The following INSR variants were observed in gnomAD, a reference collection of about 807,000 sequenced individuals.
INSR encodes insulin receptor.
INSR carries 67 observed loss-of-function variants against 142.6 expected under a neutral mutation model. The ratio of observed to expected loss-of-function variants is 0.47; its 90% CI spans 0.39 to 0.58. INSR has a LOEUF of 0.58. Ranked by LOEUF, INSR falls within the 20% of genes least tolerant of loss-of-function variation. INSR has a pLI of 0.00. For synonymous variants in INSR, 756 were observed against 743.1 expected, an observed-to-expected ratio of 1.02 and a Z score of -0.28; for missense variants, 1,248 against 1,833.2, an observed-to-expected ratio of 0.68 and a Z score of 5.83.
rs1464166146 is a variant in INSR at position 7,125,316 on chromosome 19, G to A, written c.3225C>T (p.Ala1075=). The A allele has an allele frequency of 2.5e-6, 4 of 1,614,048 alleles. No homozygotes were observed. The highest frequency in any genetic ancestry group is 1.6e-4 in the Middle Eastern group (1 of 6,062). The stretch of plus-strand genomic sequence containing the variant: ...GGCAGGTGAAGCCCTTCATGACCGA[G>A]GCCTCATTGAGGAACTCAATCCGCT... ...LRERIEFLNE[A]SVMKGFTCHH... The change falls in exon 17 of 22, where the codon GCC becomes GCT. Residue 1075 remains alanine (A), a synonymous_variant. Coordinates refer to ENST00000302850, the MANE Select transcript of INSR (RefSeq NM_000208.4). This position sits in a 1 kb window ranked among gnomAD's most constrained non-coding sequence, Gnocchi z 4.9.
chr19:7,290,011 G>A (rs1161700466), intron 1 of INSR, among the ~76,000 whole-genome samples: 2 of 152,170 alleles, frequency 1.3e-5, no homozygotes, highest in Admixed American at 1.3e-4. Flanking sequence ...AGAGTGGGGT[G>A]AGGTGGGGAG....
rs1973882436 is a variant in INSR at position 7,166,105 on chromosome 19, G to C, written c.1861+49C>G. On this transcript the variant is annotated intron_variant, in intron 8 of 21. Coordinates refer to ENST00000302850, the MANE Select transcript of INSR (RefSeq NM_000208.4). The surrounding 1 kb of genome is among the most constrained non-coding windows in gnomAD (Gnocchi z 4.1). ...ACCTCACTGCATCAGCCTATTAAAA[G>C]CAAGAGGTCTGATTCACATACGAAT... The C allele has an allele frequency of 6.2e-7, 1 of 1,608,780 alleles. No homozygotes were observed. The highest frequency in any genetic ancestry group is 2.2e-5 in the East Asian group (1 of 44,772).
chr19:7,125,256 C>A lies in INSR; in HGVS notation c.3258+27G>T. 1 of 1,613,578 alleles carries A rather than the reference C, an allele frequency of 6.2e-7. No homozygotes were observed. Among genetic ancestry groups the A allele is most frequent in the Non-Finnish European group, 8.5e-7 (1 of 1,179,992 alleles). ...GAAAGGGAAGGGTCAGGAAAGCCAG[C>A]CCATGTCCCACCCCCACTGGACTCA... On this transcript the variant is annotated intron_variant, in intron 17 of 21. Transcript: ENST00000302850. The surrounding 1 kb of genome is among the most constrained non-coding windows in gnomAD (Gnocchi z 4.9).
chr19:7,137,409 C>G (rs1334944336), intron 13 of INSR, among the ~76,000 whole-genome samples: 1 of 152,038 alleles, frequency 6.6e-6, no homozygotes, highest in Non-Finnish European at 1.5e-5. Context: ...GGGTTTGGCA[C>G]TGCAAAGAAA....
intron 2 of INSR, among the ~76,000 whole-genome samples, chr19:7,188,417 G>A (rs1974486597): frequency 6.6e-6 from 1 of 151,104 alleles, no homozygotes; most frequent in Non-Finnish European, 1.5e-5. Flanking sequence ...GTGGTGGTGG[G>A]CGCCTGTAAT....
At chr19:7,233,699 G>A (rs1184026606) in intron 2 of INSR, among the ~76,000 whole-genome samples, 6 of 102,386 alleles carry the variant, frequency 5.9e-5, no homozygotes, top group Admixed American at 1.5e-4. Flanking sequence ...TTTTTGAGAC[G>A]CAGTCTCGCT....
At chr19:7,193,357 T>C (rs548515207) in intron 2 of INSR, among the ~76,000 whole-genome samples, 1 of 151,802 alleles carries the variant, frequency 6.6e-6, no homozygotes, top group South Asian at 2.1e-4. Flanking sequence ...ACGAAAAATA[T>C]AAAAATTAGC....
At chr19:7,197,251 G>A (rs916398802) in intron 2 of INSR, among the ~76,000 whole-genome samples, 1 of 152,266 alleles carries the variant, frequency 6.6e-6, no homozygotes, top group Non-Finnish European at 1.5e-5. Flanking sequence ...GCATATAGAG[G>A]CTAGAAAGGG....
At chr19:7,126,542 G>A in intron 16 of INSR, 42 bp downstream of exon 16, 2 of 1,498,820 alleles carry the variant, frequency 1.3e-6, no homozygotes, top group East Asian at 2.5e-5. Flanking sequence ...GGAAGCTGAT[G>A]AGTAGGGTTC....
At chr19:7,247,592 T>C (rs1177440590) in intron 2 of INSR, among the ~76,000 whole-genome samples, 12 of 152,214 alleles carry the variant, frequency 7.9e-5, no homozygotes, top group Non-Finnish European at 2.9e-5. Context: ...AACTGGATTT[T>C]TATTTTTATC....
chr19:7,282,261 A>G (rs1362823118), intron 1 of INSR, among the ~76,000 whole-genome samples: 1 of 152,040 alleles, frequency 6.6e-6, no homozygotes, highest in African/African-American at 2.4e-5. Flanking sequence ...GCTACTCGGG[A>G]GGCTGAGGCA....
chr19:7,190,502 G>C (rs949304310), intron 2 of INSR, among the ~76,000 whole-genome samples: 2 of 151,518 alleles, frequency 1.3e-5, no homozygotes, highest in Non-Finnish European at 2.9e-5. Context: ...CTCCTGAGTA[G>C]CTGGGATTAC....
chr19:7,194,975 C>T (rs995806938), intron 2 of INSR, among the ~76,000 whole-genome samples: 8 of 152,042 alleles, frequency 5.3e-5, no homozygotes, highest in Non-Finnish European at 1.0e-4. Flanking sequence ...AAAACCCCAT[C>T]CCCTGTCCTC....
At chr19:7,204,191 C>T (rs1975040609) in intron 2 of INSR, among the ~76,000 whole-genome samples, 1 of 150,476 alleles carries the variant, frequency 6.6e-6, no homozygotes, top group Admixed American at 6.7e-5. Context: ...TACAGGTGCC[C>T]AGCACCATGC....
In INSR at chr19:7,163,404, C is replaced by G. The variant is rs542536940; in HGVS notation, c.1862-205G>C. On this transcript the variant is annotated intron_variant, in intron 8 of 21. Transcript: ENST00000302850. Reference sequence around the variant, plus strand: ...TGAAACCCCGTCTCTACTAAAAATACAAAAAATTAGCCAGGTGTGGTGGTG... The same window carrying G: ...TGAAACCCCGTCTCTACTAAAAATAGAAAAAATTAGCCAGGTGTGGTGGTG... Among the ~76,000 whole-genome samples, 5 of 151,836 alleles carry G rather than the reference C, an allele frequency of 3.3e-5. No homozygotes were observed. The South Asian group carries it at 8.3e-4, about 25-fold the overall frequency.
In INSR at chr19:7,174,624, G is replaced by A. The variant is rs1974094075; in HGVS notation, c.1082C>T (p.Thr361Ile). 1 of 1,613,914 alleles carries A rather than the reference G, an allele frequency of 6.2e-7. No homozygotes were observed. Among genetic ancestry groups the A allele is most frequent in the Non-Finnish European group, 8.5e-7 (1 of 1,180,006 alleles). ...GATGATCAGACTCCCGTTGATGACG[G>A]TGCATCCTCGGAGCTCCTGGGCAGA... ...VTSAQELRGC[T>I]VINGSLIINI... Residue 361 changes from threonine (T) to isoleucine (I), a missense_variant, in exon 4 of 22, where the codon ACC becomes ATC. Thr to Ile is a moderately conservative substitution (Grantham distance 89, BLOSUM62 -1). Around this residue, in one of 3 missense-constraint regions of INSR, gnomAD observed 1,069 missense variants for 1,654.0 expected, o/e 0.65. Coordinates refer to ENST00000302850, the MANE Select transcript of INSR (RefSeq NM_000208.4).
Position 7,125,544 on chromosome 19 carries a change from T to C in INSR, c.3014-17A>G, listed in dbSNP as rs760082921. 1.9e-6 allele frequency: 3 copies of C among 1,612,252 alleles called. 1 individual carries two copies. The highest frequency in any genetic ancestry group is 2.2e-5 in the South Asian group (2 of 91,066). On this transcript the variant is annotated splice_polypyrimidine_tract_variant and intron_variant, in intron 16 of 21. Transcript: ENST00000302850. The surrounding 1 kb of genome is among the most constrained non-coding windows in gnomAD (Gnocchi z 4.9). ...ATGGAAACACTACTTCTTACTTATC[T>C]ACACAGCATCCTTGGAGGATCCCTT...
chr19:7,120,821 C>A, intron 19 of INSR, 72 bp from the exon 20 acceptor site: 1 of 1,585,962 alleles, frequency 6.3e-7, no homozygotes, highest in Non-Finnish European at 8.6e-7. Context: ...TTGACTGCCC[C>A]ACCTCTCACA....
At chr19:7,153,356 C>CAT (rs1568449970) in intron 9 of INSR, among the ~76,000 whole-genome samples, 2 of 105,394 alleles carry the variant, frequency 1.9e-5, no homozygotes, top group African/African-American at 1.0e-4. Context: ...ACAGACCACA[C>CAT]ACCACACACC....
Sources: gnomAD v4.1 joint callset for allele counts (sites outside exome capture counted in the v4.1 genomes callset) on GRCh38, gnomAD v4.1.1 for gene constraint, gnomAD v4.1.1 regional missense constraint, Gnocchi (gnomAD v3.1) non-coding constraint, MANE v1.5 for transcripts, NCBI Gene and HGNC (gene_info 2026-07-23, HGNC 2026-07-21) for gene names.